UNCX: variants seen among roughly 807,000 people sequenced by gnomAD.
The protein encoded by UNCX is UNC homeobox.
Under a neutral mutation model 14.8 loss-of-function variants are expected in UNCX, and 4 were observed. The observed-to-expected ratio is 0.27, with a 90% CI of 0.13 to 0.62. The LOEUF is 0.62. Ranked by LOEUF, UNCX falls within the 20% of genes least tolerant of loss-of-function variation. The pLI, the probability that UNCX is intolerant of heterozygous loss-of-function variation, is 0.86. For synonymous variants in UNCX, 459 were observed against 395.8 expected (o/e 1.16, Z -1.90); for missense variants, 749 against 786.8 (o/e 0.95, Z 0.58).
chr7:1,235,169 G>A (rs1240310249), intron 2 of UNCX, among the ~76,000 whole-genome samples: 1 of 152,262 alleles, frequency 6.6e-6, no homozygotes, highest in Non-Finnish European at 1.5e-5. Flanking sequence ...AGGACCGCAG[G>A]TTTGGGAAGG....
chr7:1,236,196 C>T lies in UNCX; in HGVS notation c.815C>T (p.Pro272Leu). 1 of 1,305,402 alleles carries T rather than the reference C, an allele frequency of 7.7e-7. No individual in the cohort carries two copies. 80.9% of individuals were successfully genotyped at this position (1,305,402 alleles called of 1,614,324 possible). Residue 272 changes from proline to leucine, a missense_variant, in exon 3 of 3, where the codon CCC (proline) becomes CTC (leucine). This residue lies in a region of UNCX where 552 missense variants were observed against 507.2 expected (regional missense o/e 1.09). Coordinates refer to ENST00000316333, the MANE Select transcript of UNCX (RefSeq NM_001080461.3). This position sits in a 1 kb window ranked among gnomAD's most constrained non-coding sequence, Gnocchi z 6.9. ...SGAAGTAPAP[P>L]GEPPAPGTCD... ...GCCGCGGGGACCGCGCCCGCCCCTC[C>T]CGGCGAGCCGCCTGCACCCGGCACC...
chr7:1,234,997 G>T (rs947326902), intron 2 of UNCX, among the ~76,000 whole-genome samples: 11 of 152,190 alleles, frequency 7.2e-5, no homozygotes, highest in African/African-American at 2.7e-4. Context: ...GGTGGCTGGC[G>T]GTTGAGTGAG....
Position 1,233,381 on chromosome 7 carries a change from G to C in UNCX, c.274+90G>C, listed in dbSNP as rs942507872. On this transcript the variant is annotated intron_variant, in intron 1 of 2. Transcript: ENST00000316333. The surrounding 1 kb of genome is among the most constrained non-coding windows in gnomAD (Gnocchi z 5.3). ...AGGCGCTGGGGGGCCCGGGGCTGGC[G>C]AAGGAGAGCCGGCTCCTAGGCGGCC... is the stretch of plus-strand genomic sequence containing the variant. 7.5e-7 allele frequency: 1 copy of C among 1,331,374 alleles called. No individual in the cohort carries two copies. The highest frequency in any genetic ancestry group is 1.8e-5 in the South Asian group (1 of 56,784). The allele number at this position is 1,331,374 out of a possible 1,614,324, so 82.5% of individuals were successfully genotyped here. A position where few individuals can be genotyped will look rare whatever the true frequency, so the allele number is the denominator to read the frequency against.
At position 1,236,785 on chromosome 7, in the gene UNCX, T is replaced by A. The variant is rs968243203; in HGVS notation, c.1404T>A (p.Ala468=). The change falls in exon 3 of 3, where the codon GCT becomes GCA. Residue 468 remains alanine, a synonymous_variant. Coordinates refer to ENST00000316333, the MANE Select transcript of UNCX (RefSeq NM_001080461.3). This position sits in a 1 kb window ranked among gnomAD's most constrained non-coding sequence, Gnocchi z 6.9. The part of the protein sequence containing the change: ...APFRDLASAA[A]TEGGGGDCAD... ...TCCGGGACCTCGCCTCGGCAGCGGCTACCGAGGGCGGCGGCGGGGACTGCG... is the reference window on the plus strand; with the variant it reads ...TCCGGGACCTCGCCTCGGCAGCGGCAACCGAGGGCGGCGGCGGGGACTGCG... The A allele has an allele frequency of 1.6e-4, 157 of 985,626 alleles. No homozygotes were observed. Among genetic ancestry groups the A allele is most frequent in the Non-Finnish European group, 1.9e-4 (154 of 832,248 alleles). The allele number at this position is 985,626 out of a possible 1,614,324, so 61.1% of individuals were successfully genotyped here. A position where few individuals can be genotyped will look rare whatever the true frequency, so the allele number is the denominator to read the frequency against.
At chr7:1,234,502 G>A (rs1474591459) in intron 2 of UNCX, among the ~76,000 whole-genome samples, 4 of 151,828 alleles carry the variant, frequency 2.6e-5, no homozygotes, top group African/African-American at 9.7e-5. Flanking sequence ...CCAGGTCTGT[G>A]GTGCGGTGTG....
chr7:1,235,724 C>T, intron 2 of UNCX, 108 bp from the exon 3 acceptor site: 3 of 1,029,090 alleles, frequency 2.9e-6, no homozygotes, highest in South Asian at 1.7e-5. Context: ...CTGCCCCGGC[C>T]GAGCGGAGGT....
At position 1,233,423 on chromosome 7, in the gene UNCX, C is replaced by CCA. The variant is rs1778683103; in HGVS notation, c.275-96_275-95insAC. Reference sequence around the variant, plus strand: ...TAGGCGGCCGTCTCTGCGCCCCCCCCCCCGGATCCAGGCGGCCAGCGGGTA... The same window carrying CCA: ...TAGGCGGCCGTCTCTGCGCCCCCCCCCACCCGGATCCAGGCGGCCAGCGGGTA... On this transcript the variant is annotated intron_variant, in intron 1 of 2. Coordinates refer to ENST00000316333, the MANE Select transcript of UNCX (RefSeq NM_001080461.3). The surrounding 1 kb of genome is among the most constrained non-coding windows in gnomAD (Gnocchi z 5.3). The CCA allele has an allele frequency of 7.2e-7, 1 of 1,381,020 alleles. No homozygotes were observed. The highest frequency in any genetic ancestry group is 2.9e-5 in the East Asian group (1 of 34,060). 85.5% of individuals were successfully genotyped at this position (1,381,020 alleles called of 1,614,324 possible).
In UNCX at chr7:1,233,425, C is replaced by CCCGGATCCAGG. The variant is rs1554251749; in HGVS notation, c.275-94_275-93insCGGATCCAGGC. 6 of 1,383,114 alleles carry CCCGGATCCAGG rather than the reference C, an allele frequency of 4.3e-6. No individual in the cohort carries two copies. Among genetic ancestry groups the CCCGGATCCAGG allele is most frequent in the Non-Finnish European group, 5.6e-6 (6 of 1,072,464 alleles). The allele number at this position is 1,383,114 out of a possible 1,614,324, so 85.7% of individuals were successfully genotyped here. A position where few individuals can be genotyped will look rare whatever the true frequency, so the allele number is the denominator to read the frequency against. ...GGCGGCCGTCTCTGCGCCCCCCCCC[C>CCCGGATCCAGG]CGGATCCAGGCGGCCAGCGGGTAGC... On this transcript the variant is annotated intron_variant, in intron 1 of 2. Transcript: ENST00000316333. The surrounding 1 kb of genome is among the most constrained non-coding windows in gnomAD (Gnocchi z 5.3).
chr7:1,236,969 A>G lies in UNCX; in HGVS notation c.1588A>G (p.Met530Val), dbSNP rs1430511911. The part of the protein sequence containing the change: ...PSPPEGEELD[M>V]D ...CCCGCCGGAGGGCGAGGAGCTGGAC[A>G]TGGACTGAGGCCGCGGCGGCCGGGA... Residue 530 changes from methionine (M) to valine (V), a missense_variant, in exon 3 of 3, where the codon ATG (methionine) becomes GTG (valine). Physicochemically the swap from Met to Val is conservative, Grantham distance 21. Transcript: ENST00000316333. The surrounding 1 kb of genome is among the most constrained non-coding windows in gnomAD (Gnocchi z 6.9). The G allele has an allele frequency of 5.9e-6, 7 of 1,190,516 alleles. No homozygotes were observed. Among genetic ancestry groups the G allele is most frequent in the East Asian group, 3.5e-5 (1 of 28,524 alleles). The allele number at this position is 1,190,516 out of a possible 1,614,324, so 73.7% of individuals were successfully genotyped here. A position where few individuals can be genotyped will look rare whatever the true frequency, so the allele number is the denominator to read the frequency against.
chr7:1,236,468 C>T lies in UNCX; in HGVS notation c.1087C>T (p.Pro363Ser). The change falls in exon 3 of 3, where the codon CCC (proline) becomes TCC (serine). Residue 363 changes from proline to serine, a missense_variant. By Grantham distance (74) the Pro-to-Ser change is moderately conservative. Coordinates refer to ENST00000316333, the MANE Select transcript of UNCX (RefSeq NM_001080461.3). The surrounding 1 kb of genome is among the most constrained non-coding windows in gnomAD (Gnocchi z 6.9). ...CGCCGCCGCGGGGCTGGACTTCGCGCCCGGGCTGCCGTGCGCGCCGCGGAC... is the reference window on the plus strand; with the variant it reads ...CGCCGCCGCGGGGCTGGACTTCGCGTCCGGGCTGCCGTGCGCGCCGCGGAC... ...AAAAAGLDFAPGLPCAPRTLI... is the reference protein window; with the variant it reads ...AAAAAGLDFASGLPCAPRTLI... 7.3e-7 allele frequency: 1 copy of T among 1,378,290 alleles called. No individual in the cohort carries two copies. The allele number at this position is 1,378,290 out of a possible 1,614,324, so 85.4% of individuals were successfully genotyped here.
At position 1,236,163 on chromosome 7, in the gene UNCX, C is replaced by T. The variant is rs1304948943; in HGVS notation, c.782C>T (p.Ala261Val). 2 of 1,205,340 alleles carry T rather than the reference C, an allele frequency of 1.7e-6. No individual in the cohort carries two copies. Among genetic ancestry groups the T allele is most frequent in the African/African-American group, 1.6e-5 (1 of 60,856 alleles). The allele number at this position is 1,205,340 out of a possible 1,614,324, so 74.7% of individuals were successfully genotyped here. The part of the protein sequence containing the change: ...PPAAKGPGAH[A>V]SGAAGTAPAP... ...GCCGCCAAGGGCCCCGGAGCGCACGCCTCGGGCGCCGCGGGGACCGCGCCC... is the reference window on the plus strand; with the variant it reads ...GCCGCCAAGGGCCCCGGAGCGCACGTCTCGGGCGCCGCGGGGACCGCGCCC... The change falls in exon 3 of 3, where the codon GCC becomes GTC. Residue 261 changes from alanine to valine, a missense_variant. Ala to Val is a moderately conservative substitution (Grantham distance 64). Coordinates refer to ENST00000316333, the MANE Select transcript of UNCX (RefSeq NM_001080461.3). This position sits in a 1 kb window ranked among gnomAD's most constrained non-coding sequence, Gnocchi z 6.9.
At chr7:1,234,953 C>G (rs987117786) in intron 2 of UNCX, among the ~76,000 whole-genome samples, 3 of 152,082 alleles carry the variant, frequency 2.0e-5, no homozygotes, top group African/African-American at 7.2e-5. Context: ...CCCGAGCTTC[C>G]GCGGGGCTCA....
chr7:1,235,754 G>A (rs1454677993), intron 2 of UNCX, 78 bp from the exon 3 acceptor site: 2 of 1,343,424 alleles, frequency 1.5e-6, no homozygotes, highest in Non-Finnish European at 2.1e-6. Context: ...CCCTCTGGGG[G>A]GAGCGGGGAG....
At chr7:1,235,595 G>A (rs1259153769) in intron 2 of UNCX, among the ~76,000 whole-genome samples, 1 of 152,252 alleles carries the variant, frequency 6.6e-6, no homozygotes. Context: ...AAGCCAGAGC[G>A]GGAAGCTGGC....
chr7:1,236,463 T>G lies in UNCX; in HGVS notation c.1082T>G (p.Phe361Cys), dbSNP rs1037485840. The change falls in exon 3 of 3, where the codon TTC becomes TGC. Residue 361 changes from phenylalanine (F) to cysteine (C), a missense_variant. Around this residue, in one of 3 missense-constraint regions of UNCX, gnomAD observed 552 missense variants for 507.2 expected, o/e 1.09. Transcript: ENST00000316333. This position sits in a 1 kb window ranked among gnomAD's most constrained non-coding sequence, Gnocchi z 6.9. ...GCCGCCGCCGCCGCGGGGCTGGACTTCGCGCCCGGGCTGCCGTGCGCGCCG... is the reference window on the plus strand; with the variant it reads ...GCCGCCGCCGCCGCGGGGCTGGACTGCGCGCCCGGGCTGCCGTGCGCGCCG... ...AAAAAAAGLD[F>C]APGLPCAPRT... 11 of 1,377,062 alleles carry G rather than the reference T, an allele frequency of 8.0e-6. No homozygotes were observed. The highest frequency in any genetic ancestry group is 9.4e-6 in the Non-Finnish European group (10 of 1,063,866). The allele number at this position is 1,377,062 out of a possible 1,614,324, so 85.3% of individuals were successfully genotyped here.
rs1778692299 is a variant in UNCX at position 1,233,937 on chromosome 7, C to T, written c.450+242C>T. ...GAAGGGCCGGCGGCAGCACCCGAGT[C>T]ACCAGAACAGCGGCTGCGTCCGAAC... On this transcript the variant is annotated intron_variant, in intron 2 of 2. Coordinates refer to ENST00000316333, the MANE Select transcript of UNCX (RefSeq NM_001080461.3). The surrounding 1 kb of genome is among the most constrained non-coding windows in gnomAD (Gnocchi z 5.3). Among the ~76,000 whole-genome samples the T allele has an allele frequency of 6.6e-6, 1 of 152,260 alleles. No individual in the cohort carries two copies. The highest frequency in any genetic ancestry group is 6.5e-5 in the Admixed American group (1 of 15,294).
chr7:1,235,487 C>T (rs898945112), intron 2 of UNCX, among the ~76,000 whole-genome samples: 1 of 152,222 alleles, frequency 6.6e-6, no homozygotes, highest in African/African-American at 2.4e-5. Flanking sequence ...TGAACAGGGG[C>T]CTTGCTCTCT....
At position 1,233,199 on chromosome 7, in the gene UNCX, C is replaced by T. The variant is rs1778676161; in HGVS notation, c.182C>T (p.Ser61Leu). 11 of 1,444,932 alleles carry T rather than the reference C, an allele frequency of 7.6e-6. No individual in the cohort carries two copies. Among genetic ancestry groups the T allele is most frequent in the African/African-American group, 1.5e-5 (1 of 67,456 alleles). 89.5% of individuals were successfully genotyped at this position (1,444,932 alleles called of 1,614,324 possible). Residue 61 changes from serine to leucine, a missense_variant, in exon 1 of 3, where the codon TCG becomes TTG. This residue lies in a region of UNCX where 155 missense variants were observed against 166.7 expected (regional missense o/e 0.93). Transcript: ENST00000316333. This position sits in a 1 kb window ranked among gnomAD's most constrained non-coding sequence, Gnocchi z 5.3. The part of the protein sequence containing the change: ...PFSIDGLLGG[S>L]CAAAASVVNP... Reference sequence around the variant, plus strand: ...TCCATCGACGGCCTGCTCGGGGGCTCGTGCGCCGCCGCCGCCTCGGTGGTC... The same window carrying T: ...TCCATCGACGGCCTGCTCGGGGGCTTGTGCGCCGCCGCCGCCTCGGTGGTC...
In UNCX at chr7:1,236,757, C is replaced by G; in HGVS notation, c.1376C>G (p.Pro459Arg). The G allele has an allele frequency of 1.0e-6, 1 of 988,854 alleles. No individual in the cohort carries two copies. The highest frequency in any genetic ancestry group is 1.2e-6 in the Non-Finnish European group (1 of 833,756). The allele number at this position is 988,854 out of a possible 1,614,324, so 61.3% of individuals were successfully genotyped here. The change falls in exon 3 of 3, where the codon CCT becomes CGT. Residue 459 changes from proline (P) to arginine (R), a missense_variant. Coordinates refer to ENST00000316333, the MANE Select transcript of UNCX (RefSeq NM_001080461.3). This position sits in a 1 kb window ranked among gnomAD's most constrained non-coding sequence, Gnocchi z 6.9. ...SPGAPAPAPA[P>R]FRDLASAAAT... ...GGGGCCCCAGCCCCGGCCCCGGCGC[C>G]TTTCCGGGACCTCGCCTCGGCAGCG...
Sources: gnomAD v4.1 joint callset for allele counts (sites outside exome capture counted in the v4.1 genomes callset) on GRCh38, gnomAD v4.1.1 for gene constraint, gnomAD v4.1.1 regional missense constraint, Gnocchi (gnomAD v3.1) non-coding constraint, MANE v1.5 for transcripts, NCBI Gene and HGNC (gene_info 2026-07-23, HGNC 2026-07-21) for gene names.